The following BABAM2 variants were observed in gnomAD, a reference collection of about 807,000 sequenced individuals.
BABAM2 encodes BRISC and BRCA1 A complex member 2.
A neutral mutation model predicts 54.7 loss-of-function variants in BABAM2; 31 were observed. The ratio of observed to expected loss-of-function variants is 0.57; its 90% CI spans 0.43 to 0.77. BABAM2 has a LOEUF of 0.77. BABAM2 is among the 30% of genes least tolerant of loss of function. The pLI, the probability that BABAM2 is intolerant of heterozygous loss-of-function variation, is 0.00. For missense variants in BABAM2, 364 were observed against 455.8 expected (o/e 0.80, Z 1.83); for synonymous variants, 167 against 162.9 (o/e 1.03, Z -0.19).
intron 7 of BABAM2, among the ~76,000 whole-genome samples, chr2:28,196,561 G>C (rs1028538848): frequency 1.3e-5 from 2 of 152,000 alleles, no homozygotes; most frequent in African/African-American, 2.4e-5. Context: ...TAAGCTGTAG[G>C]TCAGATATGA....
At chr2:28,129,429 A>G (rs763723535) in intron 7 of BABAM2, 49 bp downstream of exon 7, 6 of 1,430,932 alleles carry the variant, frequency 4.2e-6, no homozygotes, top group Admixed American at 1.7e-5. Flanking sequence ...TTGCTAACCA[A>G]TATGTCTCAT....
At chr2:28,195,981 T>C (rs1677490110) in intron 7 of BABAM2, among the ~76,000 whole-genome samples, 1 of 152,196 alleles carries the variant, frequency 6.6e-6, no homozygotes, top group South Asian at 2.1e-4. Flanking sequence ...CTGGCATCAG[T>C]CTCTACATGG....
At chr2:28,326,646 C>T (rs191930481) in intron 11 of BABAM2, among the ~76,000 whole-genome samples, 105 of 152,276 alleles carry the variant, frequency 6.9e-4, no homozygotes, top group Middle Eastern at 3.4e-3. Flanking sequence ...GCTCACGCTC[C>T]GCCTACTAGC....
chr2:28,017,841 A>G (rs1419817164), intron 4 of BABAM2, among the ~76,000 whole-genome samples: 1 of 152,194 alleles, frequency 6.6e-6, no homozygotes, highest in Non-Finnish European at 1.5e-5. Flanking sequence ...CATAGCATGA[A>G]TCAGTATTTT....
intron 7 of BABAM2, among the ~76,000 whole-genome samples, chr2:28,196,420 G>C (rs552873916): frequency 6.4e-4 from 97 of 152,228 alleles, no homozygotes; most frequent in African/African-American, 2.0e-3. Context: ...TTGGAACCAA[G>C]GACTCTGGTT....
At chr2:28,203,874 C>T (rs1344262470) in intron 7 of BABAM2, among the ~76,000 whole-genome samples, 2 of 152,300 alleles carry the variant, frequency 1.3e-5, no homozygotes, top group East Asian at 3.9e-4. Context: ...AGAGCACTGC[C>T]AGATTGCCCT....
chr2:28,023,550 G>C (rs1675428167), intron 4 of BABAM2, among the ~76,000 whole-genome samples: 1 of 152,136 alleles, frequency 6.6e-6, no homozygotes, highest in East Asian at 1.9e-4. Context: ...GGAAAACTTT[G>C]TACTTTACTT....
chr2:28,233,047 A>ATGATCT (rs1681563222), intron 7 of BABAM2: 1 of 328,698 alleles, frequency 3.0e-6, no homozygotes, highest in Non-Finnish European at 6.3e-6. Context: ...TTCAGTTCTA[A>ATGATCT]GAATGATCAA....
intron 3 of BABAM2, among the ~76,000 whole-genome samples, chr2:27,946,113 C>G (rs1669279556): frequency 6.6e-6 from 1 of 152,082 alleles, no homozygotes; most frequent in Non-Finnish European, 1.5e-5. Flanking sequence ...TATTCGCAGT[C>G]TTAAGAAGGT....
At chr2:28,183,739 TCACA>T (rs1286120518) in intron 7 of BABAM2, among the ~76,000 whole-genome samples, 103 of 133,218 alleles carry the variant, frequency 7.7e-4, no homozygotes, top group Non-Finnish European at 1.3e-3. Flanking sequence ...TGGATGAAGA[TCACA>T]CACACACACA....
chr2:28,096,037 A>G (rs1276102440), intron 6 of BABAM2, among the ~76,000 whole-genome samples: 1 of 152,134 alleles, frequency 6.6e-6, no homozygotes, highest in African/African-American at 2.4e-5. Context: ...TTAGCTTCAA[A>G]CCATAGTCTG....
chr2:28,321,699 A>G (rs1045830027), intron 11 of BABAM2, among the ~76,000 whole-genome samples: 3 of 152,164 alleles, frequency 2.0e-5, no homozygotes, highest in African/African-American at 7.2e-5. Flanking sequence ...CTTTTCAGGC[A>G]AAAAGCAAAC....
intron 6 of BABAM2, among the ~76,000 whole-genome samples, chr2:28,106,740 T>C (rs901154569): frequency 6.6e-6 from 1 of 152,182 alleles, no homozygotes; most frequent in Admixed American, 6.5e-5. Flanking sequence ...TTTTTTCCCC[T>C]TTGTCATTGG....
chr2:27,991,955 G>A (rs777065709), intron 4 of BABAM2, among the ~76,000 whole-genome samples: 9 of 152,118 alleles, frequency 5.9e-5, no homozygotes, highest in Non-Finnish European at 8.8e-5. Flanking sequence ...AAGTGGCTGT[G>A]GCATTTTACA....
chr2:28,250,782 G>A (rs181303219), intron 10 of BABAM2, among the ~76,000 whole-genome samples: 6 of 152,014 alleles, frequency 3.9e-5, no homozygotes, highest in African/African-American at 1.4e-4. Flanking sequence ...TGTGTTTTTA[G>A]TAGAGACAGG....
At chr2:28,064,837 A>G (rs1477585042) in intron 6 of BABAM2, among the ~76,000 whole-genome samples, 2 of 152,182 alleles carry the variant, frequency 1.3e-5, no homozygotes, top group Non-Finnish European at 2.9e-5. Context: ...CCTCTTCTCT[A>G]CTAAAGAATA....
At chr2:28,221,810 C>G (rs914406069) in intron 7 of BABAM2, among the ~76,000 whole-genome samples, 12 of 152,206 alleles carry the variant, frequency 7.9e-5, no homozygotes, top group African/African-American at 2.9e-4. Context: ...TATGCCCAAT[C>G]TCTGTTTCAA....
intron 11 of BABAM2, among the ~76,000 whole-genome samples, chr2:28,305,707 T>C (rs1317286149): frequency 6.6e-6 from 1 of 152,206 alleles, no homozygotes; most frequent in Non-Finnish European, 1.5e-5. Context: ...CTGTATTTCT[T>C]CTTGTGTTCA....
intron 2 of BABAM2, among the ~76,000 whole-genome samples, chr2:27,906,514 G>C (rs987736677): frequency 6.6e-6 from 1 of 152,184 alleles, no homozygotes; most frequent in South Asian, 2.1e-4. Flanking sequence ...GCTTAAGATT[G>C]TAAGTGGTGG....
Sources: gnomAD v4.1 joint callset for allele counts (sites outside exome capture counted in the v4.1 genomes callset) on GRCh38, gnomAD v4.1.1 for gene constraint, MANE v1.5 for transcripts, NCBI Gene and HGNC (gene_info 2026-07-23, HGNC 2026-07-21) for gene names.